Variants in DDX41 observed in about 807,000 individuals in gnomAD.
DDX41 encodes the protein DEAD-box helicase 41, also known as probable ATP-dependent RNA helicase DDX41.
A neutral mutation model predicts 78.8 loss-of-function variants in DDX41; 50 were observed. The observed-to-expected ratio is 0.63, with a 90% CI of 0.51 to 0.80. The LOEUF (loss-of-function observed/expected upper bound fraction) is 0.80. Ranked by LOEUF, DDX41 falls within the 30% of genes least tolerant of loss-of-function variation. The probability of loss-of-function intolerance (pLI) is 0.00; values close to 1 mark genes in which losing one functional copy is unlikely to be tolerated. For missense variants in DDX41, 633 were observed against 849.2 expected, an observed-to-expected ratio of 0.75 and a Z score of 3.16; for synonymous variants, 381 against 321.5, an observed-to-expected ratio of 1.19 and a Z score of -1.98.
intron 6 of DDX41, 136 bp downstream of exon 6, chr5:177,515,549 G>A: frequency 8.7e-7 from 1 of 1,152,492 alleles, no homozygotes; most frequent in Non-Finnish European, 1.2e-6. Context: ...GGAACCTAAA[G>A]AAACTCCTCC....
intron 6 of DDX41, 72 bp downstream of exon 6, chr5:177,515,613 G>C: frequency 6.4e-7 from 1 of 1,574,004 alleles, no homozygotes; most frequent in East Asian, 2.2e-5. Flanking sequence ...GCTGAGCTCA[G>C]TGGGAGCCAG....
In DDX41 at chr5:177,513,601, G is replaced by T; in HGVS notation, c.1098+84C>A. 6.2e-7 allele frequency: 1 copy of T among 1,603,268 alleles called. No individual in the cohort carries two copies. Among genetic ancestry groups the T allele is most frequent in the Non-Finnish European group, 8.5e-7 (1 of 1,172,358 alleles). ...CAAAGTATGAGCAGTGGGTTGGGGT[G>T]GCCAGGGGCATGGGGTCCCTGCAGT... On this transcript the variant is annotated intron_variant, in intron 10 of 16. Coordinates refer to ENST00000330503, the MANE Select transcript of DDX41 (RefSeq NM_016222.4). The surrounding 1 kb of genome is among the most constrained non-coding windows in gnomAD (Gnocchi z 4.6).
In DDX41 at chr5:177,516,861, G is replaced by A. The variant is rs758779864; in HGVS notation, c.28-26C>T. On this transcript the variant is annotated intron_variant, in intron 1 of 16. Coordinates refer to ENST00000330503, the MANE Select transcript of DDX41 (RefSeq NM_016222.4). ...CTGCAAGCACACGCCAGTCAGGCAC[G>A]GCCTGCTCCCCTCTTCACGCCCGCT... 1.6e-5 allele frequency: 26 copies of A among 1,613,020 alleles called. No individual in the cohort carries two copies. The African/African-American group carries it at 2.1e-4, about 13-fold the overall frequency.
In DDX41 at chr5:177,511,902, C is replaced by T. The variant is rs1581801267; in HGVS notation, c.1758G>A (p.Gly586=). 6.2e-7 allele frequency: 1 copy of T among 1,614,030 alleles called. No homozygotes were observed. Among genetic ancestry groups the T allele is most frequent in the Non-Finnish European group, 8.5e-7 (1 of 1,180,028 alleles). Residue 586 remains glycine, a synonymous_variant, in exon 17 of 17, where the codon GGG becomes GGA. Transcript: ENST00000330503. The part of the protein sequence containing the change: ...IGGERGCAFC[G]GLGHRITDCP... Reference sequence around the variant, plus strand: ...AGTCAGTGATCCGATGACCCAGGCCCCCGCAGAAGGCACAGCCGCGCTCTC... The same window carrying T: ...AGTCAGTGATCCGATGACCCAGGCCTCCGCAGAAGGCACAGCCGCGCTCTC...
rs768787901 is a variant in DDX41 at position 177,516,756 on chromosome 5, T to C, written c.107A>G (p.Tyr36Cys). ...EDEDDEDYVP[Y>C]VPLRQRRQLL... ...CTGCCGGCGCTGCCGTAACGGCACATAGGGCACGTAGTCCTCGTCGTCCTC... is the reference window on the plus strand; with the variant it reads ...CTGCCGGCGCTGCCGTAACGGCACACAGGGCACGTAGTCCTCGTCGTCCTC... Residue 36 changes from tyrosine (Y) to cysteine (C), a missense_variant, in exon 2 of 17, where the codon TAT (tyrosine) becomes TGT (cysteine). This residue lies in a region of DDX41 where 140 missense variants were observed against 115.2 expected (regional missense o/e 1.22). Coordinates refer to ENST00000330503, the MANE Select transcript of DDX41 (RefSeq NM_016222.4). 9 of 1,610,862 alleles carry C rather than the reference T, an allele frequency of 5.6e-6. No individual in the cohort carries two copies. In the African/African-American group the frequency reaches 9.4e-5, roughly 17 times the overall value.
Position 177,514,598 on chromosome 5 carries a change from G to T in DDX41, c.935+103C>A. On this transcript the variant is annotated intron_variant, in intron 9 of 16. Coordinates refer to ENST00000330503, the MANE Select transcript of DDX41 (RefSeq NM_016222.4). The surrounding 1 kb of genome is among the most constrained non-coding windows in gnomAD (Gnocchi z 4.2). Reference sequence around the variant, plus strand: ...CTCCTTGAGGGTCGCACTCACAGCAGCCCTCTGTGAAGATCTGTGGAGTGG... The same window carrying T: ...CTCCTTGAGGGTCGCACTCACAGCATCCCTCTGTGAAGATCTGTGGAGTGG... 6.8e-7 allele frequency: 1 copy of T among 1,460,294 alleles called. No individual in the cohort carries two copies. Among genetic ancestry groups the T allele is most frequent in the East Asian group, 2.3e-5 (1 of 43,752 alleles). 90.5% of individuals were successfully genotyped at this position (1,460,294 alleles called of 1,614,324 possible).
chr5:177,515,066 T>A lies in DDX41; in HGVS notation c.648A>T (p.Leu216=). The A allele has an allele frequency of 6.2e-7, 1 of 1,612,526 alleles. No individual in the cohort carries two copies. Among genetic ancestry groups the A allele is most frequent in the South Asian group, 1.1e-5 (1 of 91,062 alleles). ...CGATGCCTATCATGTCACGGCCAGA[T>A]AGACTGTTGGGAGAGGATGACCCGA... ...PIQIQGIPTI[L]SGRDMIGIAF... is the part of the protein sequence containing the mutation. Residue 216 remains leucine (L), a synonymous_variant, in exon 8 of 17, where the codon CTA becomes CTT. Transcript: ENST00000330503.
rs1561736697 is a variant in DDX41, at chr5:177,516,849, CCA to C, written c.28-16_28-15del. On this transcript the variant is annotated splice_polypyrimidine_tract_variant and intron_variant, in intron 1 of 16. Coordinates refer to ENST00000330503, the MANE Select transcript of DDX41 (RefSeq NM_016222.4). ...GGTGCGAGCCCGCTGCAAGCACACG[CCA>C]GTCAGGCACGGCCTGCTCCCCTCTT... 6.2e-7 allele frequency: 1 copy of C among 1,613,060 alleles called. No homozygotes were observed. The highest frequency in any genetic ancestry group is 1.7e-5 in the Admixed American group (1 of 60,026).
Position 177,513,791 on chromosome 5 carries a change from T to G in DDX41, c.992A>C (p.Lys331Thr). 2 of 1,613,838 alleles carry G rather than the reference T, an allele frequency of 1.2e-6. No homozygotes were observed. Among genetic ancestry groups the G allele is most frequent in the Non-Finnish European group, 1.7e-6 (2 of 1,179,988 alleles). ...GCGACAGATGTCTAGGCTGACCATCTTCTTCTGCAGCAAATCCATGAGGCG... is the reference window on the plus strand; with the variant it reads ...GCGACAGATGTCTAGGCTGACCATCGTCTTCTGCAGCAAATCCATGAGGCG... ...PGRLMDLLQK[K>T]MVSLDICRYL... The change falls in exon 10 of 17, where the codon AAG becomes ACG. Residue 331 changes from lysine to threonine, a missense_variant. By Grantham distance (78) the Lys-to-Thr change is moderately conservative. This residue lies in a region of DDX41 where 151 missense variants were observed against 169.2 expected (regional missense o/e 0.89). Transcript: ENST00000330503. This position sits in a 1 kb window ranked among gnomAD's most constrained non-coding sequence, Gnocchi z 4.6.
intron 2 of DDX41, 58 bp from the exon 3 acceptor site, chr5:177,516,505 T>C: frequency 1.3e-6 from 2 of 1,597,828 alleles, no homozygotes; most frequent in Non-Finnish European, 1.7e-6. Flanking sequence ...AAGGTCAGCG[T>C]CAGGATCCTG....
rs1014024445 is a variant in DDX41 at position 177,514,472 on chromosome 5, G to A, written c.935+229C>T. Among the ~76,000 whole-genome samples, 2 of 152,190 alleles carry A rather than the reference G, an allele frequency of 1.3e-5. No homozygotes were observed. The highest frequency in any genetic ancestry group is 4.8e-5 in the African/African-American group (2 of 41,448). Reference sequence around the variant, plus strand: ...GCCTTCTCTGAGCTCCCACCTCCCAGATGTCCCCAGCAAGGTGGGCCATTC... The same window carrying A: ...GCCTTCTCTGAGCTCCCACCTCCCAAATGTCCCCAGCAAGGTGGGCCATTC... On this transcript the variant is annotated intron_variant, in intron 9 of 16. Transcript: ENST00000330503. The surrounding 1 kb of genome is among the most constrained non-coding windows in gnomAD (Gnocchi z 4.2).
At chr5:177,512,235 C>A (rs752329415) in intron 15 of DDX41, 29 bp from the exon 16 acceptor site, 2 of 1,613,778 alleles carry the variant, frequency 1.2e-6, no homozygotes, top group African/African-American at 1.3e-5. Context: ...AGCATCAGGG[C>A]CCATCCTGGG....
chr5:177,515,624 G>T (rs1003680091), intron 6 of DDX41, 61 bp downstream of exon 6: 1 of 1,591,004 alleles, frequency 6.3e-7, no homozygotes, highest in East Asian at 2.2e-5. Context: ...TGGGAGCCAG[G>T]ACATAACCTC....
In DDX41 at chr5:177,513,780, G is replaced by A; in HGVS notation, c.1003C>T (p.Leu335=). The A allele has an allele frequency of 6.2e-7, 1 of 1,613,900 alleles. No homozygotes were observed. The highest frequency in any genetic ancestry group is 8.5e-7 in the Non-Finnish European group (1 of 1,180,018). ...AGGGCCAGGTAGCGACAGATGTCTA[G>A]GCTGACCATCTTCTTCTGCAGCAAA... ...MDLLQKKMVS[L]DICRYLALDE... is the part of the protein sequence containing the mutation. The change falls in exon 10 of 17, where the codon CTA becomes TTA. Residue 335 remains leucine, a synonymous_variant. Transcript: ENST00000330503. This position sits in a 1 kb window ranked among gnomAD's most constrained non-coding sequence, Gnocchi z 4.6.
At chr5:177,515,652 A>G (rs754515731) in intron 6 of DDX41, 33 bp downstream of exon 6, 2 of 1,611,004 alleles carry the variant, frequency 1.2e-6, no homozygotes, top group African/African-American at 1.3e-5. Flanking sequence ...TTTGATTATA[A>G]AAGTGTGGTA....
Position 177,515,549 on chromosome 5 carries a change from G to T in DDX41, c.571+136C>A, listed in dbSNP as rs1434751776. ...CAGCTGAGGCAACAAGGAACCTAAA[G>T]AAACTCCTCCTCAAATCCCTCCAGC... On this transcript the variant is annotated intron_variant, in intron 6 of 16. Coordinates refer to ENST00000330503, the MANE Select transcript of DDX41 (RefSeq NM_016222.4). 7 of 1,152,374 alleles carry T rather than the reference G, an allele frequency of 6.1e-6. No individual in the cohort carries two copies. In the East Asian group the frequency reaches 1.6e-4, roughly 27 times the overall value. The allele number at this position is 1,152,374 out of a possible 1,614,324, so 71.4% of individuals were successfully genotyped here.
rs768277082 is a variant in DDX41 at position 177,515,009 on chromosome 5, G to A, written c.705C>T (p.Phe235=). Residue 235 remains phenylalanine (F), a synonymous_variant, in exon 8 of 17, where the codon TTC becomes TTT. Transcript: ENST00000330503. ...AFTGSGKTLV[F]TLPVIMFCLE... ...GGCAGAACATGATGACGGGCAACGT[G>A]AACACCAGTGTCTTGCCTGAACCCG... 1 of 1,613,874 alleles carries A rather than the reference G, an allele frequency of 6.2e-7. No homozygotes were observed. The highest frequency in any genetic ancestry group is 1.7e-5 in the Admixed American group (1 of 60,030).
Position 177,513,333 on chromosome 5 carries a change from C to T in DDX41, c.1230+20G>A. 2 of 1,613,934 alleles carry T rather than the reference C, an allele frequency of 1.2e-6. No individual in the cohort carries two copies. Among genetic ancestry groups the T allele is most frequent in the East Asian group, 2.2e-5 (1 of 44,890 alleles). On this transcript the variant is annotated intron_variant, in intron 11 of 16. Coordinates refer to ENST00000330503, the MANE Select transcript of DDX41 (RefSeq NM_016222.4). This position sits in a 1 kb window ranked among gnomAD's most constrained non-coding sequence, Gnocchi z 4.6. The stretch of plus-strand genomic sequence containing the variant: ...CAGCCCCCACAGGTGAGAGACCGCC[C>T]ATCAGGAGCACCTGCCCACCTGGAT...
In DDX41 at chr5:177,512,100, A is replaced by G; in HGVS notation, c.1728T>C (p.Ile576=). The change falls in exon 16 of 17, where the codon ATT becomes ATC. Residue 576 remains isoleucine, a synonymous_variant. Transcript: ENST00000330503. ...GGGATCCCGCTCTGCAGTCACCTCC[A>G]ATGTCCAGCATGGACTCATCCCCGC... ...LHCGDESMLD[I]GGERGCAFCG... The G allele has an allele frequency of 5.6e-6, 9 of 1,613,014 alleles. No individual in the cohort carries two copies. The highest frequency in any genetic ancestry group is 1.7e-4 in the Middle Eastern group (1 of 6,016).
Sources: allele counts gnomAD v4.1 joint callset (sites outside exome capture counted in the v4.1 genomes callset), GRCh38; gene constraint gnomAD v4.1.1; regional missense constraint gnomAD v4.1.1; non-coding constraint Gnocchi (gnomAD v3.1); transcripts MANE v1.5; gene names NCBI Gene and HGNC (gene_info 2026-07-23, HGNC 2026-07-21).